PITPNC1: variants seen among roughly 807,000 people sequenced by gnomAD.
The protein encoded by PITPNC1 is cytoplasmic phosphatidylinositol transfer protein 1.
PITPNC1 carries 18 observed loss-of-function variants against 44.7 expected under a neutral mutation model. That is an observed-to-expected ratio of 0.40 (90% CI 0.28 to 0.60). PITPNC1 has a LOEUF of 0.60. Ranked by LOEUF, PITPNC1 falls within the 20% of genes least tolerant of loss-of-function variation. The pLI is 0.39. For synonymous variants in PITPNC1, 141 were observed against 149.6 expected (o/e 0.94, Z 0.42); for missense variants, 290 against 418.4 (o/e 0.69, Z 2.68).
intron 1 of PITPNC1, among the ~76,000 whole-genome samples, chr17:67,449,442 C>T (rs2039145779): frequency 6.6e-6 from 1 of 152,136 alleles, no homozygotes. Context: ...TTGCTGACGA[C>T]CCGAGATTCC....
At chr17:67,572,079 G>A (rs1035158229) in intron 4 of PITPNC1, among the ~76,000 whole-genome samples, 1 of 152,186 alleles carries the variant, frequency 6.6e-6, no homozygotes, top group Admixed American at 6.5e-5. Flanking sequence ...GTTCCTTAGA[G>A]AGCACGGGAT....
intron 1 of PITPNC1, among the ~76,000 whole-genome samples, chr17:67,402,983 T>C (rs1193473649): frequency 6.6e-6 from 1 of 152,092 alleles, no homozygotes; most frequent in East Asian, 1.9e-4. Flanking sequence ...CGTTTTTGAT[T>C]CTTGCTTCTG....
chr17:67,631,053 GTTATTA>G (rs56142240), intron 5 of PITPNC1, among the ~76,000 whole-genome samples: 3,588 of 127,688 alleles, frequency 0.028, 88 homozygotes, highest in African/African-American at 0.065. Flanking sequence ...TGTTGTTGTT[GTTATTA>G]TTATTATTAT....
At chr17:67,379,580 GTAGA>G (rs113798831) in intron 1 of PITPNC1, among the ~76,000 whole-genome samples, 10,872 of 152,196 alleles carry the variant, frequency 0.071, 1,273 homozygotes, top group African/African-American at 0.25. Context: ...TGCCAGGTGG[GTAGA>G]CAGAGATTCG....
intron 5 of PITPNC1, among the ~76,000 whole-genome samples, chr17:67,596,312 C>T (rs2041458949): frequency 6.6e-6 from 1 of 152,050 alleles, no homozygotes; most frequent in African/African-American, 2.4e-5. Flanking sequence ...TAATGTTAAA[C>T]CAGATACACT....
At chr17:67,582,806 T>C (rs1668677367) in intron 5 of PITPNC1, among the ~76,000 whole-genome samples, 1 of 152,200 alleles carries the variant, frequency 6.6e-6, no homozygotes, top group Non-Finnish European at 1.5e-5. Context: ...CAAGGTAAGG[T>C]TCCGTTGTTT....
At chr17:67,564,535 G>A (rs1034766581) in intron 4 of PITPNC1, among the ~76,000 whole-genome samples, 3 of 152,090 alleles carry the variant, frequency 2.0e-5, no homozygotes, top group Non-Finnish European at 2.9e-5. Context: ...CTCACCTAGT[G>A]CATACCAACT....
chr17:67,466,207 G>C (rs1043879771), intron 1 of PITPNC1, among the ~76,000 whole-genome samples: 3 of 132,846 alleles, frequency 2.3e-5, no homozygotes, highest in Non-Finnish European at 3.2e-5. Context: ...TGGGGGGGTG[G>C]GGGGGGGCGC....
intron 6 of PITPNC1, among the ~76,000 whole-genome samples, chr17:67,650,485 G>C (rs535493366): frequency 5.4e-4 from 60 of 110,764 alleles, no homozygotes; most frequent in South Asian, 2.4e-3. Context: ...ACCTTGCTCT[G>C]TCTCCCAGGC....
chr17:67,493,497 T>C (rs2039889873), intron 1 of PITPNC1, among the ~76,000 whole-genome samples: 1 of 152,182 alleles, frequency 6.6e-6, no homozygotes, highest in African/African-American at 2.4e-5. Flanking sequence ...TGCAACCAAA[T>C]GATATGCAGC....
chr17:67,618,225 C>T (rs981841045), intron 5 of PITPNC1, among the ~76,000 whole-genome samples: 3 of 151,488 alleles, frequency 2.0e-5, no homozygotes, highest in African/African-American at 4.9e-5. Context: ...ATTAGCTGGG[C>T]GTGATGGTGC....
At chr17:67,536,241 G>GA (rs1448067083) in intron 2 of PITPNC1, among the ~76,000 whole-genome samples, 2 of 152,064 alleles carry the variant, frequency 1.3e-5, no homozygotes, top group Admixed American at 6.6e-5. Context: ...TTAGGAATTA[G>GA]AAAAAAATAT....
intron 6 of PITPNC1, among the ~76,000 whole-genome samples, chr17:67,645,442 A>G (rs2042138658): frequency 2.0e-5 from 3 of 152,070 alleles, no homozygotes; most frequent in Admixed American, 2.0e-4. Flanking sequence ...CAGAAGGCCC[A>G]GTCTGTTACT....
At chr17:67,429,441 C>G (rs998062298) in intron 1 of PITPNC1, among the ~76,000 whole-genome samples, 3 of 151,036 alleles carry the variant, frequency 2.0e-5, no homozygotes, top group Admixed American at 6.6e-5. Context: ...GGCTCATACC[C>G]GTAACCCCAG....
chr17:67,497,222 CCTT>C lies in PITPNC1; in HGVS notation c.49-35579_49-35577del, dbSNP rs1291764217. On this transcript the variant is annotated intron_variant, in intron 1 of 8. Coordinates refer to ENST00000581322, the MANE Select transcript of PITPNC1 (RefSeq NM_012417.4). The stretch of plus-strand genomic sequence containing the variant: ...ACACAAGACATATTATTATAAACCT[CCTT>C]TTTTTTTTTTTTGAGACGGCGTCTC... 5.2e-4 allele frequency among the ~76,000 whole-genome samples: 78 copies of C among 151,018 alleles called. 1 individual carries two copies. Among genetic ancestry groups the C allele is most frequent in the South Asian group, 6.3e-4 (3 of 4,796 alleles).
intron 5 of PITPNC1, among the ~76,000 whole-genome samples, chr17:67,617,476 C>T (rs923155931): frequency 6.6e-6 from 1 of 152,198 alleles, no homozygotes; most frequent in South Asian, 2.1e-4. Context: ...TGCACTCCAG[C>T]CTGGGTGACA....
intron 1 of PITPNC1, among the ~76,000 whole-genome samples, chr17:67,443,780 G>A (rs573318010): frequency 1.3e-5 from 2 of 151,872 alleles, no homozygotes; most frequent in African/African-American, 4.8e-5. Flanking sequence ...AATTACAGGC[G>A]TCTGCCACCA....
intron 4 of PITPNC1, among the ~76,000 whole-genome samples, chr17:67,569,368 G>A (rs2041022143): frequency 6.6e-6 from 1 of 152,184 alleles, no homozygotes; most frequent in African/African-American, 2.4e-5. Flanking sequence ...ACCTGGGAGG[G>A]CTTGTGTCTG....
At chr17:67,527,254 G>T (rs1184108544) in intron 1 of PITPNC1, among the ~76,000 whole-genome samples, 1 of 152,152 alleles carries the variant, frequency 6.6e-6, no homozygotes, top group African/African-American at 2.4e-5. Context: ...AGAAATAAGG[G>T]CTGAAGTTGT....
Sources: gnomAD v4.1 joint callset for allele counts (sites outside exome capture counted in the v4.1 genomes callset) on GRCh38, gnomAD v4.1.1 for gene constraint, MANE v1.5 for transcripts, NCBI Gene and HGNC (gene_info 2026-07-23, HGNC 2026-07-21) for gene names.